The following IL1R2 variants were observed in gnomAD, a reference collection of about 807,000 sequenced individuals.
IL1R2 encodes the protein interleukin 1 receptor type 2.
A neutral mutation model predicts 39.5 loss-of-function variants in IL1R2; 46 were observed. The ratio of observed to expected loss-of-function variants is 1.16; its 90% CI spans 0.92 to 1.49. The LOEUF (loss-of-function observed/expected upper bound fraction) is 1.49, where lower values mean the gene tolerates loss of function less well. Among genes scored for constraint, IL1R2 ranks in the 40% most tolerant of loss-of-function variants. The probability of loss-of-function intolerance (pLI) is 0.00; values close to 1 mark genes in which losing one functional copy is unlikely to be tolerated. For missense variants in IL1R2, 537 were observed against 502.0 expected (o/e 1.07, Z -0.67); for synonymous variants, 207 against 189.6 (o/e 1.09, Z -0.75).
In IL1R2 at chr2:102,009,793, A is replaced by G. The variant is rs952172355; in HGVS notation, c.299A>G (p.Gln100Arg). ...DGALWLLPAL[Q>R]EDSGTYVCTT... ...GCTCTGTGGCTTCTGCCAGCCTTGC[A>G]GGAGGACTCTGGCACCTACGTCTGC... Residue 100 changes from glutamine to arginine, a missense_variant, in exon 3 of 9, where the codon CAG (glutamine) becomes CGG (arginine). By Grantham distance (43) the Gln-to-Arg change is conservative (BLOSUM62 1). Transcript: ENST00000332549. 6.2e-7 allele frequency: 1 copy of G among 1,614,210 alleles called. No individual in the cohort carries two copies.
intron 5 of IL1R2, 64 bp downstream of exon 5, chr2:102,019,876 T>A: frequency 7.2e-7 from 1 of 1,390,736 alleles, no homozygotes; most frequent in Non-Finnish European, 1.0e-6. Flanking sequence ...AGAGAACAAA[T>A]GACGGTGCAC....
intron 1 of IL1R2, among the ~76,000 whole-genome samples, chr2:101,993,594 C>A (rs531693271): frequency 6.6e-6 from 1 of 152,124 alleles, no homozygotes; most frequent in Non-Finnish European, 1.5e-5. Context: ...CTCTCTCTCT[C>A]TGTCTCTGTT....
chr2:102,002,750 A>ATATCTG (rs1267997902), intron 1 of IL1R2, among the ~76,000 whole-genome samples: 5 of 143,240 alleles, frequency 3.5e-5, no homozygotes, highest in African/African-American at 1.4e-4. Context: ...GTCTATGTCT[A>ATATCTG]TATCTATATC....
At chr2:102,002,467 CTGTGT>C (rs2150422845) in intron 1 of IL1R2, among the ~76,000 whole-genome samples, 1 of 102,456 alleles carries the variant, frequency 9.8e-6, no homozygotes, top group African/African-American at 4.7e-5. Flanking sequence ...ATGTCTCTGT[CTGTGT>C]CTGTGTCTGT....
intron 5 of IL1R2, among the ~76,000 whole-genome samples, chr2:102,020,812 A>T (rs1386574100): frequency 6.6e-6 from 1 of 152,026 alleles, no homozygotes; most frequent in Non-Finnish European, 1.5e-5. Context: ...GCCGCCCTAC[A>T]TGCCTGTCTG....
At chr2:102,020,437 A>C (rs767654821) in intron 5 of IL1R2, among the ~76,000 whole-genome samples, 2 of 152,356 alleles carry the variant, frequency 1.3e-5, no homozygotes, top group Non-Finnish European at 2.9e-5. Flanking sequence ...AGACAGGTGT[A>C]ACCATGTGTA....
intron 1 of IL1R2, among the ~76,000 whole-genome samples, chr2:102,007,682 A>T (rs1405358651): frequency 6.6e-6 from 1 of 152,210 alleles, no homozygotes; most frequent in African/African-American, 2.4e-5. Context: ...GGGCTTCAAT[A>T]TGTAAAGTTT....
chr2:102,028,340 G>T lies in IL1R2; in HGVS notation c.1145G>T (p.Gly382Val), dbSNP rs756650262. 3.1e-6 allele frequency: 5 copies of T among 1,610,502 alleles called. No individual in the cohort carries two copies. The East Asian group carries it at 1.1e-4, about 36-fold the overall frequency. ...RCKHRTGKAD[G>V]LTVLWPHHQD... ...AAACACAGAACTGGAAAAGCAGATG[G>T]TCTGACTGTGCTATGGCCTCATCAT... Residue 382 changes from glycine (G) to valine (V), a missense_variant, in exon 9 of 9, where the codon GGT becomes GTT. By Grantham distance (109) the Gly-to-Val change is moderately radical. Transcript: ENST00000332549.
chr2:102,012,810 G>T (rs1393613161), intron 3 of IL1R2, among the ~76,000 whole-genome samples: 1 of 152,132 alleles, frequency 6.6e-6, no homozygotes, highest in Non-Finnish European at 1.5e-5. Context: ...TCTCTAAGGA[G>T]TACTACTAGG....
Position 102,003,566 on chromosome 2 carries a change from CGGTGTCTGTGTCGGTGTCT to C in IL1R2, c.-61-4948_-61-4930del, listed in dbSNP as rs1676055760. Among the ~76,000 whole-genome samples, 7 of 98,434 alleles carry C rather than the reference CGGTGTCTGTGTCGGTGTCT, an allele frequency of 7.1e-5. 3 individuals carry two copies. Among genetic ancestry groups the C allele is most frequent in the African/African-American group, 3.9e-4 (7 of 17,856 alleles). 64.6% of individuals were successfully genotyped at this position (98,434 alleles called of 152,430 possible). A position where few individuals can be genotyped will look rare whatever the true frequency, so the allele number is the denominator to read the frequency against. ...GCTGTGGCTGTGGCTGTGTCTGTGT[CGGTGTCTGTGTCGGTGTCT>C]AGGCCTATGTCTATGTCTGTGTCTT... On this transcript the variant is annotated intron_variant, in intron 1 of 8. Coordinates refer to ENST00000332549, the MANE Select transcript of IL1R2 (RefSeq NM_004633.4).
At chr2:102,001,722 G>A (rs949515358) in intron 1 of IL1R2, among the ~76,000 whole-genome samples, 3 of 151,994 alleles carry the variant, frequency 2.0e-5, no homozygotes, top group African/African-American at 7.3e-5. Context: ...TTATTTCCTA[G>A]GGCTTAGTTA....
At chr2:102,016,875 C>G (rs956809616) in intron 4 of IL1R2, among the ~76,000 whole-genome samples, 3 of 152,054 alleles carry the variant, frequency 2.0e-5, no homozygotes, top group Admixed American at 6.6e-5. Context: ...TGAAACCAAT[C>G]CCCCAAAGAA....
At chr2:102,009,887 C>A (rs1676513185) in intron 3 of IL1R2, 61 bp downstream of exon 3, 1 of 1,552,490 alleles carries the variant, frequency 6.4e-7, no homozygotes, top group South Asian at 1.1e-5. Flanking sequence ...TTGTGAGGGT[C>A]TTCAGTCATG....
At chr2:101,992,957 C>T (rs1385753172) in intron 1 of IL1R2, among the ~76,000 whole-genome samples, 4 of 152,042 alleles carry the variant, frequency 2.6e-5, no homozygotes, top group Non-Finnish European at 1.5e-5. Context: ...TTCTATCTGT[C>T]AAAAGAGGGG....
At chr2:102,026,067 G>A (rs778071941) in intron 7 of IL1R2, 44 bp from the exon 8 acceptor site, 3 of 1,466,526 alleles carry the variant, frequency 2.0e-6, no homozygotes, top group Non-Finnish European at 2.8e-6. Context: ...AGACAAGCTT[G>A]CATTCGATAC....
intron 1 of IL1R2, among the ~76,000 whole-genome samples, chr2:102,006,586 A>G (rs1296388973): frequency 6.6e-6 from 1 of 152,132 alleles, no homozygotes; most frequent in East Asian, 1.9e-4. Flanking sequence ...GCAGGGAACA[A>G]CTCAAGGTAA....
chr2:102,023,824 G>A (rs1400637099), intron 6 of IL1R2, among the ~76,000 whole-genome samples: 2 of 151,780 alleles, frequency 1.3e-5, no homozygotes, highest in African/African-American at 4.8e-5. Context: ...GAGGCAGGTG[G>A]ATCACGAGGT....
At chr2:101,994,008 G>A (rs1001247463) in intron 1 of IL1R2, among the ~76,000 whole-genome samples, 1 of 152,184 alleles carries the variant, frequency 6.6e-6, no homozygotes, top group Non-Finnish European at 1.5e-5. Context: ...AGGCCAGTGG[G>A]CTTCCCGCCC....
rs768426892 is a variant in IL1R2 at position 102,009,659 on chromosome 2, C to T, written c.165C>T (p.Tyr55=). The stretch of plus-strand genomic sequence containing the variant: ...CCCTGAGGTGCCCCCAGGTGCCCTA[C>T]TGGTTGTGGGCCTCTGTCAGCCCCC... ...PVALRCPQVP[Y]WLWASVSPRI... Residue 55 remains tyrosine (Y), a synonymous_variant, in exon 3 of 9, where the codon TAC becomes TAT. Transcript: ENST00000332549. 1.2e-6 allele frequency: 2 copies of T among 1,614,204 alleles called. No homozygotes were observed. Among genetic ancestry groups the T allele is most frequent in the Non-Finnish European group, 1.7e-6 (2 of 1,180,030 alleles).
Sources: gnomAD v4.1 joint callset for allele counts (sites outside exome capture counted in the v4.1 genomes callset) on GRCh38, gnomAD v4.1.1 for gene constraint, MANE v1.5 for transcripts, NCBI Gene and HGNC (gene_info 2026-07-23, HGNC 2026-07-21) for gene names.